Variants in SLC44A3 observed in about 807,000 individuals in gnomAD.
SLC44A3 encodes solute carrier family 44 member 3.
Under a neutral mutation model 75.4 loss-of-function variants are expected in SLC44A3, and 74 were observed. The ratio of observed to expected loss-of-function variants is 0.98; its 90% CI spans 0.81 to 1.19. The LOEUF is 1.19. Ranked by LOEUF, SLC44A3 falls within the 50% of genes most tolerant of loss-of-function variation. The pLI is 0.00. For synonymous variants in SLC44A3, 310 were observed against 296.9 expected (o/e 1.04, Z -0.45); for missense variants, 700 against 778.6 (o/e 0.90, Z 1.20).
At chr1:94,893,923 T>C (rs902328257) in intron 14 of SLC44A3, among the ~76,000 whole-genome samples, 8 of 151,750 alleles carry the variant, frequency 5.3e-5, no homozygotes, top group Admixed American at 1.3e-4. Flanking sequence ...GGTGAAACCC[T>C]ATCTCTACTA....
chr1:94,849,412 A>C (rs952338394), intron 9 of SLC44A3, among the ~76,000 whole-genome samples: 12 of 151,880 alleles, frequency 7.9e-5, no homozygotes, highest in Non-Finnish European at 1.5e-4. Flanking sequence ...CCCTCCTTCC[A>C]CCTGCCTGTG....
chr1:94,832,022 C>T (rs1177617720), intron 5 of SLC44A3, among the ~76,000 whole-genome samples: 5 of 152,022 alleles, frequency 3.3e-5, no homozygotes, highest in Non-Finnish European at 7.3e-5. Flanking sequence ...CAAAAATTAG[C>T]TGGGTGTGAT....
chr1:94,852,852 T>C (rs1038116490), intron 9 of SLC44A3, among the ~76,000 whole-genome samples: 1 of 152,216 alleles, frequency 6.6e-6, no homozygotes, highest in Non-Finnish European at 1.5e-5. Context: ...TAAACTGATA[T>C]ATGGGGCAAG....
chr1:94,888,712 A>T (rs1449249591), intron 12 of SLC44A3: 1 of 976,502 alleles, frequency 1.0e-6, no homozygotes. Flanking sequence ...GTGCCCTATC[A>T]GGGATATGGT....
chr1:94,894,461 C>T (rs758294453), intron 14 of SLC44A3, among the ~76,000 whole-genome samples: 8 of 152,172 alleles, frequency 5.3e-5, no homozygotes, highest in Non-Finnish European at 1.2e-4. Context: ...AGTCAACACA[C>T]CTGGACAGAC....
rs1661945879 is a variant in SLC44A3 at position 94,830,260 on chromosome 1, T to C, written c.509+1674T>C. The stretch of plus-strand genomic sequence containing the variant: ...AGAGTCTTGCTCTTGTCACCCAGGC[T>C]GGAGTGCAGTGGTGCGATCTCAGCT... On this transcript the variant is annotated intron_variant, in intron 5 of 14. Coordinates refer to ENST00000271227, the MANE Select transcript of SLC44A3 (RefSeq NM_001114106.3). Among the ~76,000 whole-genome samples the C allele has an allele frequency of 1.3e-5, 2 of 152,212 alleles. 1 individual carries two copies. Among genetic ancestry groups the C allele is most frequent in the Non-Finnish European group, 2.9e-5 (2 of 68,038 alleles).
At chr1:94,851,040 G>A (rs568739240) in intron 9 of SLC44A3, among the ~76,000 whole-genome samples, 1 of 152,210 alleles carries the variant, frequency 6.6e-6, no homozygotes, top group African/African-American at 2.4e-5. Context: ...GCAAAGGAAA[G>A]CAGTCTCCAT....
chr1:94,832,235 A>T (rs185366984), intron 5 of SLC44A3, among the ~76,000 whole-genome samples: 322 of 152,332 alleles, frequency 2.1e-3, no homozygotes, highest in African/African-American at 7.2e-3. Context: ...TAGCAGTTAC[A>T]TAGATGTGTA....
intron 12 of SLC44A3, among the ~76,000 whole-genome samples, chr1:94,888,336 T>C (rs1489071520): frequency 6.6e-6 from 1 of 152,240 alleles, no homozygotes; most frequent in Non-Finnish European, 1.5e-5. Context: ...CCAGGGGACC[T>C]GGGGGAAATG....
intron 9 of SLC44A3, among the ~76,000 whole-genome samples, chr1:94,857,025 C>G (rs557817915): frequency 2.5e-4 from 38 of 152,260 alleles, no homozygotes; most frequent in African/African-American, 8.9e-4. Context: ...GCCACCACAC[C>G]CAGCCTACTT....
At chr1:94,826,308 G>GT (rs1661336457) in intron 3 of SLC44A3, among the ~76,000 whole-genome samples, 1 of 152,182 alleles carries the variant, frequency 6.6e-6, no homozygotes. Context: ...ATGGATGGTG[G>GT]TGATGATAGC....
rs1015126527 is a variant in SLC44A3, at chr1:94,866,420, G to A, written c.1396-911G>A. Among the ~76,000 whole-genome samples the A allele has an allele frequency of 4.6e-5, 7 of 152,178 alleles. No homozygotes were observed. The South Asian group carries it at 8.3e-4, about 18-fold the overall frequency. On this transcript the variant is annotated intron_variant, in intron 11 of 14. Transcript: ENST00000271227. Reference sequence around the variant, plus strand: ...GGACCAAGGGCCAAAATTGCTTTTAGTGATGTCACTATTGGGAAAATGTGT... The same window carrying A: ...GGACCAAGGGCCAAAATTGCTTTTAATGATGTCACTATTGGGAAAATGTGT...
In SLC44A3 at chr1:94,837,734, G is replaced by C; in HGVS notation, c.533G>C (p.Arg178Pro). The change falls in exon 6 of 15, where the codon CGA (arginine) becomes CCA (proline). Residue 178 changes from arginine (R) to proline (P), a missense_variant. By Grantham distance (103) the Arg-to-Pro change is moderately radical (BLOSUM62 -2). Coordinates refer to ENST00000271227, the MANE Select transcript of SLC44A3 (RefSeq NM_001114106.3). ...AGCAAGTCATTTCCCTTATTTAACCGATGTGTCCCTCAAACACCTGAGTGC... is the reference window on the plus strand; with the variant it reads ...AGCAAGTCATTTCCCTTATTTAACCCATGTGTCCCTCAAACACCTGAGTGC... ...PPSKSFPLFN[R>P]CVPQTPECYS... is the part of the protein sequence containing the mutation. 6.3e-7 allele frequency: 1 copy of C among 1,583,030 alleles called. No individual in the cohort carries two copies. The highest frequency in any genetic ancestry group is 8.6e-7 in the Non-Finnish European group (1 of 1,166,886).
At chr1:94,826,637 C>A (rs77036178) in intron 3 of SLC44A3, among the ~76,000 whole-genome samples, 47 of 127,928 alleles carry the variant, frequency 3.7e-4, no homozygotes, top group African/African-American at 1.3e-3. Context: ...GACTCTGTCT[C>A]AAAAAAAAAA....
chr1:94,841,867 A>G (rs974133219), intron 7 of SLC44A3, 133 bp from the exon 8 acceptor site: 6 of 1,204,682 alleles, frequency 5.0e-6, no homozygotes, highest in Admixed American at 2.7e-5. Context: ...GGGTCCGGGT[A>G]TTTGGGACCC....
chr1:94,874,467 T>C (rs773478164), intron 12 of SLC44A3, among the ~76,000 whole-genome samples: 6 of 152,326 alleles, frequency 3.9e-5, no homozygotes, highest in South Asian at 2.1e-4. Flanking sequence ...TAAATTGGAC[T>C]CTGAAGTGCT....
At chr1:94,867,512 G>T (rs859096) in intron 12 of SLC44A3, 95 bp downstream of exon 12, 606,875 of 874,770 alleles carry the variant, frequency 0.69, 214,520 homozygotes, top group East Asian at 0.8. Flanking sequence ...TCTCTAAGGG[G>T]CTAAATTGTG....
intron 2 of SLC44A3, among the ~76,000 whole-genome samples, chr1:94,823,241 C>T (rs1313147801): frequency 6.6e-6 from 1 of 152,220 alleles, no homozygotes; most frequent in African/African-American, 2.4e-5. Flanking sequence ...TTACTACACT[C>T]CAACTCGAAA....
intron 12 of SLC44A3, among the ~76,000 whole-genome samples, chr1:94,881,795 C>T (rs539442641): frequency 9.8e-4 from 143 of 145,490 alleles, no homozygotes; most frequent in African/African-American, 3.5e-3. Context: ...GGGTGGATCA[C>T]AGGTCAAGAG....
Sources: gnomAD v4.1 joint callset for allele counts (sites outside exome capture counted in the v4.1 genomes callset) on GRCh38, gnomAD v4.1.1 for gene constraint, MANE v1.5 for transcripts, NCBI Gene and HGNC (gene_info 2026-07-23, HGNC 2026-07-21) for gene names.